The following TRIM33 variants were observed in gnomAD, a reference collection of about 807,000 sequenced individuals.
The protein encoded by TRIM33 is tripartite motif containing 33.
In TRIM33, 20 loss-of-function variants were observed where a neutral mutation model predicts 125.4. That is an observed-to-expected ratio of 0.16 (90% CI 0.11 to 0.23). The LOEUF (loss-of-function observed/expected upper bound fraction) is 0.23. Ranked by LOEUF, TRIM33 falls within the 10% of genes least tolerant of loss-of-function variation. TRIM33 has a pLI of 1.00. For synonymous variants in TRIM33, 564 were observed against 513.9 expected (o/e 1.10, Z -1.32); for missense variants, 920 against 1,411.4 (o/e 0.65, Z 5.58).
chr1:114,445,051 C>G (rs1448270551), intron 4 of TRIM33, among the ~76,000 whole-genome samples: 1 of 152,128 alleles, frequency 6.6e-6, no homozygotes, highest in Non-Finnish European at 1.5e-5. Context: ...ACTGGATGGA[C>G]TTAGCAGCAA....
At chr1:114,473,773 T>C (rs1463676501) in intron 1 of TRIM33, among the ~76,000 whole-genome samples, 1 of 152,058 alleles carries the variant, frequency 6.6e-6, no homozygotes, top group Non-Finnish European at 1.5e-5. Flanking sequence ...ACATGAGCTA[T>C]ACAGAAAACA....
intron 1 of TRIM33, among the ~76,000 whole-genome samples, chr1:114,476,216 A>G (rs998641349): frequency 6.6e-6 from 1 of 151,410 alleles, no homozygotes; most frequent in African/African-American, 2.4e-5. Flanking sequence ...CCAAAAACAA[A>G]TAAGAAAAAA....
At chr1:114,470,847 C>A (rs1478991662) in intron 1 of TRIM33, among the ~76,000 whole-genome samples, 3 of 152,216 alleles carry the variant, frequency 2.0e-5, no homozygotes, top group African/African-American at 7.2e-5. Flanking sequence ...ATGGCCCAGG[C>A]TGGAGTGCAA....
At chr1:114,433,467 T>C (rs1648094149) in intron 5 of TRIM33, 150 bp downstream of exon 5, 1 of 534,598 alleles carries the variant, frequency 1.9e-6, no homozygotes, top group East Asian at 3.0e-5. Context: ...TTTTGTTTAA[T>C]TGACAAATAT....
chr1:114,457,790 A>T (rs939777530), intron 4 of TRIM33, among the ~76,000 whole-genome samples: 1 of 152,178 alleles, frequency 6.6e-6, no homozygotes, highest in Non-Finnish European at 1.5e-5. Flanking sequence ...GAGGGCCACC[A>T]CTGTGATTAC....
chr1:114,429,118 T>C (rs1027500710), intron 6 of TRIM33, among the ~76,000 whole-genome samples: 4 of 152,108 alleles, frequency 2.6e-5, no homozygotes, highest in Non-Finnish European at 5.9e-5. Context: ...AAAAACCTAT[T>C]AGGGTTAAAT....
chr1:114,498,766 T>C (rs965921204), intron 1 of TRIM33, among the ~76,000 whole-genome samples: 4 of 152,026 alleles, frequency 2.6e-5, no homozygotes, highest in Non-Finnish European at 5.9e-5. Flanking sequence ...GCGGAGAATA[T>C]GAACCTAGGA....
At chr1:114,499,133 A>G (rs1197130071) in intron 1 of TRIM33, among the ~76,000 whole-genome samples, 1 of 152,190 alleles carries the variant, frequency 6.6e-6, no homozygotes, top group East Asian at 1.9e-4. Context: ...AAAAAGTTTT[A>G]ACCCAGAATT....
intron 11 of TRIM33, among the ~76,000 whole-genome samples, chr1:114,416,013 A>G (rs1005072847): frequency 2.6e-5 from 4 of 151,772 alleles, no homozygotes; most frequent in East Asian, 3.9e-4. Flanking sequence ...TCCCTATTAT[A>G]TAAGAAACTC....
At chr1:114,435,679 G>A (rs757725803) in intron 4 of TRIM33, among the ~76,000 whole-genome samples, 7 of 151,994 alleles carry the variant, frequency 4.6e-5, no homozygotes, top group Non-Finnish European at 8.8e-5. Context: ...ATAGAAAACT[G>A]CTGGTGCACT....
At chr1:114,462,947 T>A (rs1402939985) in intron 4 of TRIM33, among the ~76,000 whole-genome samples, 157 bp downstream of exon 4, 1 of 152,156 alleles carries the variant, frequency 6.6e-6, no homozygotes, top group Non-Finnish European at 1.5e-5. Flanking sequence ...TTTAAATAAT[T>A]TACCAAAACA....
rs892923724 is a variant in TRIM33 at position 114,394,717 on chromosome 1, G to C, written c.*2931C>G. 6 of 201,004 alleles carry C rather than the reference G, an allele frequency of 3.0e-5. No individual in the cohort carries two copies. The East Asian group carries it at 4.5e-4, about 15-fold the overall frequency. The allele number at this position is 201,004 out of a possible 1,614,324, so 12.5% of individuals were successfully genotyped here. On this transcript the variant is annotated 3_prime_UTR_variant, in exon 20 of 20. Transcript: ENST00000358465. ...GGTTTGATGTTTCCATATAGAGCAC[G>C]ACCTACAATCTAACCATACTTTAGA...
intron 11 of TRIM33, among the ~76,000 whole-genome samples, chr1:114,414,825 A>G (rs1357814214): frequency 6.6e-6 from 1 of 152,156 alleles, no homozygotes; most frequent in African/African-American, 2.4e-5. Flanking sequence ...AGCATAATAC[A>G]AAAGCGTAAT....
intron 4 of TRIM33, among the ~76,000 whole-genome samples, chr1:114,436,269 G>A (rs564364784): frequency 6.6e-6 from 1 of 151,564 alleles, no homozygotes; most frequent in East Asian, 2.0e-4. Flanking sequence ...CGGCATGGTG[G>A]TGTGCACCTG....
At chr1:114,477,548 T>C (rs1377464966) in intron 1 of TRIM33, among the ~76,000 whole-genome samples, 5 of 152,204 alleles carry the variant, frequency 3.3e-5, no homozygotes, top group Non-Finnish European at 7.4e-5. Flanking sequence ...TAACAGTACC[T>C]ACCTCAAAGG....
At chr1:114,507,683 G>A (rs1424139069) in intron 1 of TRIM33, among the ~76,000 whole-genome samples, 1 of 152,196 alleles carries the variant, frequency 6.6e-6, no homozygotes, top group African/African-American at 2.4e-5. Context: ...TTCCTTTAGC[G>A]TAAAATAGCT....
intron 1 of TRIM33, among the ~76,000 whole-genome samples, chr1:114,497,426 A>G (rs1048519397): frequency 2.6e-5 from 4 of 151,980 alleles, no homozygotes; most frequent in African/African-American, 9.7e-5. Flanking sequence ...CCTCCCAAGT[A>G]GCTGAGATTA....
At chr1:114,494,011 G>A (rs891735363) in intron 1 of TRIM33, among the ~76,000 whole-genome samples, 1 of 152,152 alleles carries the variant, frequency 6.6e-6, no homozygotes, top group Non-Finnish European at 1.5e-5. Context: ...TTTTAGTAGA[G>A]ATGGGGTTTC....
At chr1:114,474,716 A>G (rs1164254744) in intron 1 of TRIM33, among the ~76,000 whole-genome samples, 4 of 151,726 alleles carry the variant, frequency 2.6e-5, no homozygotes, top group African/African-American at 7.3e-5. Context: ...ACATGGAGAA[A>G]CCCTGTCTCT....
Sources: allele counts gnomAD v4.1 joint callset (sites outside exome capture counted in the v4.1 genomes callset), GRCh38; gene constraint gnomAD v4.1.1; transcripts MANE v1.5; gene names NCBI Gene and HGNC (gene_info 2026-07-23, HGNC 2026-07-21).